TFDP2: variants seen among roughly 807,000 people sequenced by gnomAD.
TFDP2 encodes the protein transcription factor Dp-2.
In TFDP2, 17 loss-of-function variants were observed where a neutral mutation model predicts 59.3. The ratio of observed to expected loss-of-function variants is 0.29; its 90% CI spans 0.20 to 0.43. The LOEUF is 0.43. Among genes scored for constraint, TFDP2 ranks in the 20% least tolerant of loss-of-function variants. The probability of loss-of-function intolerance (pLI) is 1.00; values close to 1 mark genes in which losing one functional copy is unlikely to be tolerated. For synonymous variants in TFDP2, 180 were observed against 194.7 expected (o/e 0.92, Z 0.63); for missense variants, 391 against 528.8 (o/e 0.74, Z 2.56).
intron 3 of TFDP2, among the ~76,000 whole-genome samples, chr3:142,070,600 C>T (rs1184014187): frequency 6.6e-6 from 1 of 152,192 alleles, no homozygotes; most frequent in Non-Finnish European, 1.5e-5. Flanking sequence ...TTTTAAAGTA[C>T]ATATGCCTTA....
At chr3:142,118,121 G>A (rs2061907286) in intron 1 of TFDP2, among the ~76,000 whole-genome samples, 1 of 151,992 alleles carries the variant, frequency 6.6e-6, no homozygotes, top group South Asian at 2.1e-4. Flanking sequence ...GCAAGGGGCT[G>A]GGGGGAGGAT....
At chr3:142,149,067 C>T (rs1048906905) in intron 1 of TFDP2, 116 bp downstream of exon 1, 1 of 394,112 alleles carries the variant, frequency 2.5e-6, no homozygotes. Context: ...ACAGATGGGA[C>T]TCGTGGGGGA....
chr3:142,032,117 G>T (rs1946458696), intron 3 of TFDP2, among the ~76,000 whole-genome samples: 1 of 150,700 alleles, frequency 6.6e-6, no homozygotes, highest in Admixed American at 6.6e-5. Flanking sequence ...TTTTAAGAGA[G>T]AGAGGGTTTT....
At chr3:142,052,232 A>T (rs1225242901) in intron 3 of TFDP2, among the ~76,000 whole-genome samples, 1 of 152,156 alleles carries the variant, frequency 6.6e-6, no homozygotes, top group Non-Finnish European at 1.5e-5. Context: ...CTTATAGGAA[A>T]ATGTACGAGA....
In TFDP2 at chr3:142,085,271, C is replaced by A. The variant is rs1285223582; in HGVS notation, c.82+7790G>T. 2.0e-5 allele frequency among the ~76,000 whole-genome samples: 3 copies of A among 149,498 alleles called. No homozygotes were observed. The East Asian group carries it at 5.8e-4, about 29-fold the overall frequency. On this transcript the variant is annotated intron_variant, in intron 3 of 12. Transcript: ENST00000489671. Reference sequence around the variant, plus strand: ...AACAGTGTAACTGGATTGTTTGTAACCACAAAGGACAAATGCTTGAGGGGA... The same window carrying A: ...AACAGTGTAACTGGATTGTTTGTAAACACAAAGGACAAATGCTTGAGGGGA...
At chr3:142,062,850 C>T (rs1207377790) in intron 3 of TFDP2, among the ~76,000 whole-genome samples, 2 of 152,144 alleles carry the variant, frequency 1.3e-5, no homozygotes, top group African/African-American at 4.8e-5. Flanking sequence ...GATCTCACAA[C>T]ATCTTCTTAA....
intron 3 of TFDP2, among the ~76,000 whole-genome samples, chr3:142,013,538 C>T (rs1944886403): frequency 6.6e-6 from 1 of 152,180 alleles, no homozygotes. Flanking sequence ...AAACTGATTC[C>T]TGGGACTCAG....
intron 2 of TFDP2, among the ~76,000 whole-genome samples, chr3:142,099,082 A>G (rs530414126): frequency 6.6e-6 from 1 of 152,352 alleles, no homozygotes; most frequent in South Asian, 2.1e-4. Flanking sequence ...TACATATTTG[A>G]ATACATGGTT....
chr3:142,119,761 GAA>G (rs768439155), intron 1 of TFDP2, among the ~76,000 whole-genome samples: 14 of 152,012 alleles, frequency 9.2e-5, no homozygotes, highest in Non-Finnish European at 1.5e-4. Flanking sequence ...TCTAAAACAA[GAA>G]AAAGAGACCG....
chr3:142,094,159 A>G (rs1257218575), intron 2 of TFDP2, among the ~76,000 whole-genome samples: 2 of 152,224 alleles, frequency 1.3e-5, no homozygotes, highest in African/African-American at 4.8e-5. Context: ...ACTTGGCAGA[A>G]CGCAAACATC....
rs548870427 is a variant in TFDP2, at chr3:142,136,553, G to A, written c.-93+12630C>T. 5.3e-5 allele frequency among the ~76,000 whole-genome samples: 8 copies of A among 152,052 alleles called. No individual in the cohort carries two copies. The East Asian group carries it at 1.5e-3, about 29-fold the overall frequency. ...TTCTTCTAGGGTTTTTATGGTTTTA[G>A]GTCTAACATTTAAGTCTTTAATCCA... On this transcript the variant is annotated intron_variant, in intron 1 of 12. Coordinates refer to ENST00000489671, the MANE Select transcript of TFDP2 (RefSeq NM_001178139.2).
rs55808596 is a variant in TFDP2 at position 142,019,647 on chromosome 3, A to ACCCC, written c.83-14107_83-14104dup. Among the ~76,000 whole-genome samples, 146 of 150,290 alleles carry ACCCC rather than the reference A, an allele frequency of 9.7e-4. 2 individuals carry two copies. The highest frequency in any genetic ancestry group is 5.7e-3 in the East Asian group (29 of 5,098). ...AATGTATACTAAGATTATATTAAAC[A>ACCCC]CCCCCCCCAACATCTTCTTATACAA... is the stretch of plus-strand genomic sequence containing the variant. On this transcript the variant is annotated intron_variant, in intron 3 of 12. Transcript: ENST00000489671.
At position 141,948,940 on chromosome 3, in the gene TFDP2, TA is replaced by T. The variant is rs1481990945; in HGVS notation, c.*3572del. ...TAACACGGTGAAACCCCGTCTCTAC[TA>T]AAAATACAAAAAAAATTAGCCAGGC... On this transcript the variant is annotated 3_prime_UTR_variant, in exon 13 of 13. Transcript: ENST00000489671. 6.6e-6 allele frequency: 1 copy of T among 151,704 alleles called. No homozygotes were observed. The highest frequency in any genetic ancestry group is 1.5e-5 in the Non-Finnish European group (1 of 68,090). 9.4% of individuals were successfully genotyped at this position (151,704 alleles called of 1,614,324 possible).
At chr3:142,054,392 G>A (rs1489689710) in intron 3 of TFDP2, among the ~76,000 whole-genome samples, 1 of 152,124 alleles carries the variant, frequency 6.6e-6, no homozygotes, top group Non-Finnish European at 1.5e-5. Flanking sequence ...CACAAAATGA[G>A]ATTAATAAAA....
chr3:141,978,224 A>G (rs1041853266), intron 7 of TFDP2, among the ~76,000 whole-genome samples: 3 of 151,800 alleles, frequency 2.0e-5, no homozygotes, highest in African/African-American at 7.3e-5. Context: ...GTGCGCCTGT[A>G]ATCCCAGCTA....
At chr3:142,012,865 G>A (rs976751156) in intron 3 of TFDP2, among the ~76,000 whole-genome samples, 18 of 152,102 alleles carry the variant, frequency 1.2e-4, no homozygotes, top group East Asian at 3.9e-4. Context: ...GTTGCCAGGC[G>A]CGGTGGCTCA....
chr3:142,107,777 A>G (rs1200417895), intron 1 of TFDP2, among the ~76,000 whole-genome samples: 1 of 152,176 alleles, frequency 6.6e-6, no homozygotes, highest in African/African-American at 2.4e-5. Context: ...CACACCAGCA[A>G]AAGTGTTCTT....
intron 6 of TFDP2, among the ~76,000 whole-genome samples, chr3:141,987,944 A>AAAAAAAAAAAAG (rs1473191768): frequency 4.6e-5 from 7 of 151,084 alleles, no homozygotes; most frequent in Non-Finnish European, 8.8e-5. Context: ...GCCTCAAAAA[A>AAAAAAAAAAAAG]AAAAGAAAAG....
At chr3:142,029,720 T>C (rs565220838) in intron 3 of TFDP2, among the ~76,000 whole-genome samples, 1 of 152,314 alleles carries the variant, frequency 6.6e-6, no homozygotes, top group African/African-American at 2.4e-5. Flanking sequence ...GATGTAAAGA[T>C]AATTTACCAA....
Sources: gnomAD v4.1 joint callset for allele counts (sites outside exome capture counted in the v4.1 genomes callset) on GRCh38, gnomAD v4.1.1 for gene constraint, MANE v1.5 for transcripts, NCBI Gene and HGNC (gene_info 2026-07-23, HGNC 2026-07-21) for gene names.